The following PACRG variants were observed in gnomAD, a reference collection of about 807,000 sequenced individuals.
PACRG encodes parkin coregulated.
A neutral mutation model predicts 29.7 loss-of-function variants in PACRG; 29 were observed. The observed-to-expected ratio is 0.98, with a 90% CI of 0.73 to 1.33. The LOEUF is 1.33. PACRG is among the 40% of genes most tolerant of loss of function. PACRG has a pLI of 0.00. For synonymous variants in PACRG, 116 were observed against 118.7 expected (o/e 0.98, Z 0.15); for missense variants, 279 against 316.2 (o/e 0.88, Z 0.89).
intron 2 of PACRG, among the ~76,000 whole-genome samples, chr6:162,857,732 T>G (rs1645327672): frequency 6.6e-6 from 1 of 152,056 alleles, no homozygotes; most frequent in African/African-American, 2.4e-5. Flanking sequence ...AATTAATCAC[T>G]TTAGCTCTGA....
intron 1 of PACRG, among the ~76,000 whole-genome samples, chr6:162,805,040 G>GTAAGTACT (rs1287386456): frequency 2.6e-5 from 4 of 152,146 alleles, no homozygotes; most frequent in African/African-American, 9.7e-5. Flanking sequence ...TAAGAAGATG[G>GTAAGTACT]TAAGTACTTG....
At chr6:162,761,886 G>A (rs974489609) in intron 1 of PACRG, among the ~76,000 whole-genome samples, 8 of 139,416 alleles carry the variant, frequency 5.7e-5, no homozygotes, top group Non-Finnish European at 1.2e-4. Flanking sequence ...GCAGTGAGCC[G>A]AGATAGCACC....
intron 4 of PACRG, among the ~76,000 whole-genome samples, chr6:163,227,779 C>T (rs1781862764): frequency 6.6e-6 from 1 of 152,202 alleles, no homozygotes; most frequent in African/African-American, 2.4e-5. Flanking sequence ...GAACTGCCCT[C>T]CCTGTGGCGA....
intron 1 of PACRG, among the ~76,000 whole-genome samples, chr6:162,730,716 A>G (rs1013027179): frequency 2.0e-5 from 3 of 152,130 alleles, no homozygotes; most frequent in African/African-American, 7.2e-5. Flanking sequence ...ATTTTTCTTC[A>G]ATAGAAACTA....
intron 1 of PACRG, 82 bp downstream of exon 1, chr6:162,728,473 G>A: frequency 6.6e-7 from 1 of 1,514,870 alleles, no homozygotes; most frequent in South Asian, 1.2e-5. Context: ...CCTTAGGATG[G>A]ACTCTGAGCC....
At chr6:162,734,974 A>G (rs377664223) in intron 1 of PACRG, among the ~76,000 whole-genome samples, 3 of 152,214 alleles carry the variant, frequency 2.0e-5, no homozygotes, top group Admixed American at 2.0e-4. Context: ...ACTTCTATAC[A>G]TGGAATCATA....
chr6:163,203,128 C>T (rs944726830), intron 4 of PACRG, among the ~76,000 whole-genome samples: 3 of 152,212 alleles, frequency 2.0e-5, no homozygotes, highest in Non-Finnish European at 2.9e-5. Context: ...GGACCAGGCA[C>T]GGCGGCTCAC....
intron 4 of PACRG, among the ~76,000 whole-genome samples, chr6:163,272,447 A>G (rs183829877): frequency 2.6e-5 from 4 of 152,098 alleles, no homozygotes; most frequent in African/African-American, 9.7e-5. Context: ...CCTAAATGTG[A>G]CTATATTACC....
At chr6:163,032,326 A>G (rs1049512807) in intron 2 of PACRG, among the ~76,000 whole-genome samples, 14 of 152,086 alleles carry the variant, frequency 9.2e-5, no homozygotes, top group Non-Finnish European at 1.8e-4. Context: ...TCAGCTCTCT[A>G]TGAGAGTTCT....
At chr6:162,885,723 A>T (rs1315088682) in intron 2 of PACRG, among the ~76,000 whole-genome samples, 6 of 152,158 alleles carry the variant, frequency 3.9e-5, no homozygotes, top group Non-Finnish European at 8.8e-5. Flanking sequence ...TTTACCACAA[A>T]TAATGAGAGT....
At chr6:163,200,444 G>A (rs1780648293) in intron 4 of PACRG, among the ~76,000 whole-genome samples, 1 of 152,182 alleles carries the variant, frequency 6.6e-6, no homozygotes, top group South Asian at 2.1e-4. Flanking sequence ...CTCGCGCAAA[G>A]GCAACAGTAC....
chr6:163,210,847 T>C (rs1781106871), intron 4 of PACRG, among the ~76,000 whole-genome samples: 2 of 152,188 alleles, frequency 1.3e-5, no homozygotes, highest in Admixed American at 1.3e-4. Context: ...ATAGCTGTAT[T>C]GGGGGGAAAA....
intron 2 of PACRG, among the ~76,000 whole-genome samples, chr6:162,833,437 C>A (rs1788949758): frequency 6.6e-6 from 1 of 152,086 alleles, no homozygotes; most frequent in African/African-American, 2.4e-5. Flanking sequence ...GCCTTGATAA[C>A]TTGTTTGTGC....
intron 4 of PACRG, among the ~76,000 whole-genome samples, chr6:163,212,934 A>G (rs1482848203): frequency 6.6e-6 from 1 of 151,926 alleles, no homozygotes; most frequent in Non-Finnish European, 1.5e-5. Context: ...ACCCACCACC[A>G]CGCCCAGCTA....
chr6:162,729,416 T>C (rs1779568965), intron 1 of PACRG, among the ~76,000 whole-genome samples: 1 of 152,168 alleles, frequency 6.6e-6, no homozygotes, highest in African/African-American at 2.4e-5. Flanking sequence ...TTAAAATACA[T>C]GAATGAAACA....
intron 2 of PACRG, among the ~76,000 whole-genome samples, chr6:163,024,332 T>C (rs1202118516): frequency 6.6e-6 from 1 of 152,230 alleles, no homozygotes; most frequent in Non-Finnish European, 1.5e-5. Context: ...GAATAGATAG[T>C]CCTTTCCCCA....
At chr6:163,074,962 C>G (rs1812410231) in intron 3 of PACRG, among the ~76,000 whole-genome samples, 1 of 151,904 alleles carries the variant, frequency 6.6e-6, no homozygotes. Flanking sequence ...CACTGCACTC[C>G]CGCCTGGGTC....
chr6:162,818,803 A>G (rs1212605113), intron 2 of PACRG, among the ~76,000 whole-genome samples: 1 of 152,134 alleles, frequency 6.6e-6, no homozygotes, highest in Non-Finnish European at 1.5e-5. Context: ...TTTTCCACTA[A>G]ATTTCTAATA....
At chr6:163,306,852 T>C (rs957739476) in intron 4 of PACRG, among the ~76,000 whole-genome samples, 2 of 152,202 alleles carry the variant, frequency 1.3e-5, no homozygotes, top group African/African-American at 4.8e-5. Context: ...ATTGTGATAT[T>C]ATAAAAAGTA....
Sources: allele counts gnomAD v4.1 joint callset (sites outside exome capture counted in the v4.1 genomes callset), GRCh38; gene constraint gnomAD v4.1.1; transcripts MANE v1.5; gene names NCBI Gene and HGNC (gene_info 2026-07-23, HGNC 2026-07-21).